The following PLCG2 variants were observed in gnomAD, a reference collection of about 807,000 sequenced individuals.
PLCG2 encodes the protein 1-phosphatidylinositol 4,5-bisphosphate phosphodiesterase gamma-2.
A neutral mutation model predicts 175.6 loss-of-function variants in PLCG2; 69 were observed. The observed-to-expected ratio is 0.39, with a 90% CI of 0.32 to 0.48. The LOEUF (loss-of-function observed/expected upper bound fraction) is 0.48. PLCG2 is among the 20% of genes least tolerant of loss of function. PLCG2 has a pLI of 0.91. For synonymous variants in PLCG2, 827 were observed against 624.0 expected, an observed-to-expected ratio of 1.33 and a Z score of -4.85; for missense variants, 1,798 against 1,650.9, an observed-to-expected ratio of 1.09 and a Z score of -1.54.
intron 1 of PLCG2, among the ~76,000 whole-genome samples, chr16:81,748,721 C>A (rs970105914): frequency 6.6e-6 from 1 of 152,152 alleles, no homozygotes; most frequent in African/African-American, 2.4e-5. Context: ...ATCTCCTATT[C>A]CCCATTTGTA....
At chr16:81,784,743 A>G (rs1240370437) in intron 1 of PLCG2, among the ~76,000 whole-genome samples, 1 of 152,202 alleles carries the variant, frequency 6.6e-6, no homozygotes, top group African/African-American at 2.4e-5. Context: ...GATGGTGGAT[A>G]CTGTTACCTT....
At position 81,959,647 on chromosome 16, in the gene PLCG2, G is replaced by GA. The variant is rs1171923453; in HGVS notation, c.*1652dup. 5.8e-5 allele frequency: 11 copies of GA among 189,724 alleles called. No homozygotes were observed. Among genetic ancestry groups the GA allele is most frequent in the Non-Finnish European group, 1.1e-4 (10 of 90,412 alleles). The allele number at this position is 189,724 out of a possible 1,614,324, so 11.8% of individuals were successfully genotyped here. The stretch of plus-strand genomic sequence containing the variant: ...TTTTATTTGGCAGTCAGCAACTGAA[G>GA]AAAGAACATTCCTCTTAGTGGCAGA... On this transcript the variant is annotated 3_prime_UTR_variant, in exon 33 of 33. Transcript: ENST00000564138.
chr16:81,865,619 C>A (rs895720037), intron 5 of PLCG2, among the ~76,000 whole-genome samples: 1 of 152,218 alleles, frequency 6.6e-6, no homozygotes, highest in African/African-American at 2.4e-5. Context: ...TGGGATGGTT[C>A]CTTTGCCCTG....
chr16:81,915,306 C>G (rs1909796005), intron 19 of PLCG2, among the ~76,000 whole-genome samples: 1 of 152,170 alleles, frequency 6.6e-6, no homozygotes, highest in South Asian at 2.1e-4. Flanking sequence ...GTTCTGGGCT[C>G]TGGGGATGTG....
intron 25 of PLCG2, among the ~76,000 whole-genome samples, chr16:81,932,420 G>T (rs184642651): frequency 1.3e-5 from 2 of 152,304 alleles, no homozygotes; most frequent in Non-Finnish European, 2.9e-5. Context: ...ATGGAGTAAG[G>T]GCTGTCTGTT....
At chr16:81,799,035 C>G (rs1911601679) in intron 2 of PLCG2, 3 of 152,422 alleles carry the variant, frequency 2.0e-5, no homozygotes, top group South Asian at 4.1e-4. Flanking sequence ...AAGAAGGGCC[C>G]AAGCCCAGCG....
chr16:81,773,648 G>T (rs1340033560), intron 2 of PLCG2, among the ~76,000 whole-genome samples: 1 of 152,202 alleles, frequency 6.6e-6, no homozygotes, highest in Non-Finnish European at 1.5e-5. Context: ...GGGTCCGCAT[G>T]TTGAGAGTTC....
intron 7 of PLCG2, among the ~76,000 whole-genome samples, chr16:81,880,445 G>A (rs1908022840): frequency 6.6e-6 from 1 of 152,104 alleles, no homozygotes; most frequent in Non-Finnish European, 1.5e-5. Context: ...GGCACACAGG[G>A]ACACTTAAAA....
At chr16:81,843,983 C>T (rs939597354) in intron 2 of PLCG2, among the ~76,000 whole-genome samples, 4 of 143,324 alleles carry the variant, frequency 2.8e-5, no homozygotes, top group African/African-American at 1.0e-4. Flanking sequence ...TTCTTTCTTT[C>T]TTTTTTTTTT....
chr16:81,807,619 A>G (rs1904287141), intron 2 of PLCG2, among the ~76,000 whole-genome samples: 2 of 152,228 alleles, frequency 1.3e-5, no homozygotes, highest in Non-Finnish European at 2.9e-5. Context: ...TTCAATACGC[A>G]TTATTTCCAT....
At position 81,742,315 on chromosome 16, in the gene PLCG2, A is replaced by G. The variant is rs138275364; in HGVS notation, c.-145+2930A>G. ...ACCTGCTAGGTGCCAGGCAGTGCTC[A>G]AGGAAGGGCCTGACTGGGATGAGAC... On this transcript the variant is annotated intron_variant, in intron 1 of 5. Transcript: ENST00000565054. 9.5e-4 allele frequency among the ~76,000 whole-genome samples: 145 copies of G among 152,262 alleles called. 2 individuals are homozygous for G. Among genetic ancestry groups the G allele is most frequent in the African/African-American group, 3.4e-3 (141 of 41,544 alleles).
intron 2 of PLCG2, among the ~76,000 whole-genome samples, chr16:81,836,292 C>G (rs568818280): frequency 6.6e-6 from 1 of 152,314 alleles, no homozygotes; most frequent in East Asian, 1.9e-4. Flanking sequence ...GGCAGTGGGA[C>G]TGGATCGTGG....
chr16:81,851,815 G>A (rs967172982), intron 2 of PLCG2, among the ~76,000 whole-genome samples: 3 of 152,184 alleles, frequency 2.0e-5, no homozygotes, highest in African/African-American at 7.2e-5. Flanking sequence ...TGCCCGGCTT[G>A]TTTTCACATG....
chr16:81,771,486 G>T (rs540747161), intron 2 of PLCG2, among the ~76,000 whole-genome samples: 15 of 152,300 alleles, frequency 9.8e-5, no homozygotes, highest in South Asian at 4.1e-4. Context: ...CAGTTCTGAG[G>T]TTACCTCCTC....
At chr16:81,844,334 G>A (rs72832063) in intron 2 of PLCG2, among the ~76,000 whole-genome samples, 60,934 of 150,594 alleles carry the variant, frequency 0.4, 13,282 homozygotes, top group East Asian at 0.63. Flanking sequence ...TTCTTCTTTC[G>A]GATGGAGTTT....
chr16:81,896,156 C>A (rs531424848), intron 13 of PLCG2, among the ~76,000 whole-genome samples: 1 of 152,258 alleles, frequency 6.6e-6, no homozygotes, highest in South Asian at 2.1e-4. Flanking sequence ...CGAGGAGGCT[C>A]TGGCTGGGGA....
At chr16:81,813,461 A>G (rs1904406383) in intron 2 of PLCG2, among the ~76,000 whole-genome samples, 1 of 152,132 alleles carries the variant, frequency 6.6e-6, no homozygotes, top group Non-Finnish European at 1.5e-5. Context: ...CTCATGATTT[A>G]GCTCTGTGTT....
chr16:81,750,662 G>GGTTTTTTTTTTT (rs1567692941), intron 1 of PLCG2, among the ~76,000 whole-genome samples: 1 of 18,586 alleles, frequency 5.4e-5, no homozygotes, highest in Non-Finnish European at 1.2e-4. Flanking sequence ...GGGGACTGGA[G>GGTTTTTTTTTTT]ATTTTTTTTT....
At chr16:81,891,043 A>T (rs1908606775) in intron 10 of PLCG2, among the ~76,000 whole-genome samples, 1 of 152,084 alleles carries the variant, frequency 6.6e-6, no homozygotes, top group Non-Finnish European at 1.5e-5. Context: ...CACGCCTGTT[A>T]TCCTAGCTGC....
Sources: gnomAD v4.1 joint callset for allele counts (sites outside exome capture counted in the v4.1 genomes callset) on GRCh38, gnomAD v4.1.1 for gene constraint, MANE v1.5 for transcripts, NCBI Gene and HGNC (gene_info 2026-07-23, HGNC 2026-07-21) for gene names.